The following SFMBT1 variants were observed in gnomAD, a reference collection of about 807,000 sequenced individuals.
SFMBT1 encodes Scm like with four mbt domains 1.
In SFMBT1, 32 loss-of-function variants were observed where a neutral mutation model predicts 108.7. That is an observed-to-expected ratio of 0.29 (90% CI 0.22 to 0.40). SFMBT1 has a LOEUF of 0.40. SFMBT1 is among the 10% of genes least tolerant of loss of function. The probability of loss-of-function intolerance (pLI) is 1.00; values close to 1 mark genes in which losing one functional copy is unlikely to be tolerated. For synonymous variants in SFMBT1, 348 were observed against 369.5 expected (o/e 0.94, Z 0.67); for missense variants, 816 against 1,059.6 (o/e 0.77, Z 3.19).
intron 1 of SFMBT1, among the ~76,000 whole-genome samples, chr3:52,993,132 A>G (rs2106899270): frequency 6.6e-6 from 1 of 150,954 alleles, no homozygotes; most frequent in African/African-American, 2.4e-5. Flanking sequence ...AATAGCACAT[A>G]GAGCAGGTAA....
chr3:52,915,643 G>C (rs1018178863), intron 14 of SFMBT1, among the ~76,000 whole-genome samples: 7 of 152,168 alleles, frequency 4.6e-5, no homozygotes, highest in Non-Finnish European at 1.0e-4. Flanking sequence ...AGAGGACCCT[G>C]GACAAAAGGC....
intron 2 of SFMBT1, among the ~76,000 whole-genome samples, chr3:52,965,687 T>A (rs1332556783): frequency 6.6e-6 from 1 of 151,948 alleles, no homozygotes; most frequent in Admixed American, 6.6e-5. Context: ...ATGAAGACAA[T>A]CTGTCACTAC....
chr3:52,904,435 C>T lies in SFMBT1; in HGVS notation c.*701G>A, dbSNP rs1400495266. The T allele has an allele frequency of 6.6e-6, 1 of 152,220 alleles. No homozygotes were observed. The highest frequency in any genetic ancestry group is 1.5e-5 in the Non-Finnish European group (1 of 68,026). 9.4% of individuals were successfully genotyped at this position (152,220 alleles called of 1,614,324 possible). On this transcript the variant is annotated 3_prime_UTR_variant, in exon 21 of 21. Coordinates refer to ENST00000394752, the MANE Select transcript of SFMBT1 (RefSeq NM_016329.4). ...AAGAAAGCAAACAGTTTCCCCCCCT[C>T]CAAATTCTGTCATAATTTTAGTGTT...
chr3:53,045,363 C>CGGAGCGCGGGGCGCGCGCGGGGA (rs1700193632), intron 1 of SFMBT1: 2 of 140,340 alleles, frequency 1.4e-5, no homozygotes, highest in African/African-American at 2.5e-5. Flanking sequence ...GCTCGGCGGG[C>CGGAGCGCGGGGCGCGCGCGGGGA]GGAGCGCGGG....
chr3:52,943,142 T>G (rs1703240474), intron 4 of SFMBT1, among the ~76,000 whole-genome samples: 1 of 152,226 alleles, frequency 6.6e-6, no homozygotes, highest in African/African-American at 2.4e-5. Context: ...ATGAGCATCA[T>G]AAAAACCTGA....
intron 2 of SFMBT1, among the ~76,000 whole-genome samples, chr3:52,964,521 T>C (rs901705572): frequency 1.3e-5 from 2 of 152,140 alleles, no homozygotes; most frequent in African/African-American, 2.4e-5. Context: ...CTCTAAAAAA[T>C]AGAAAATAAT....
At chr3:52,999,061 C>T (rs961734532) in intron 1 of SFMBT1, among the ~76,000 whole-genome samples, 4 of 150,804 alleles carry the variant, frequency 2.7e-5, no homozygotes, top group South Asian at 2.1e-4. Flanking sequence ...AAGCCGGGGA[C>T]GCCCGAGGAC....
chr3:52,950,269 C>T (rs914032117), intron 3 of SFMBT1, among the ~76,000 whole-genome samples: 5 of 152,134 alleles, frequency 3.3e-5, no homozygotes, highest in South Asian at 2.1e-4. Flanking sequence ...TTTCTTTTAA[C>T]TGTTTTTAGT....
chr3:52,983,344 T>C (rs1257153277), intron 1 of SFMBT1, among the ~76,000 whole-genome samples: 1 of 152,226 alleles, frequency 6.6e-6, no homozygotes, highest in African/African-American at 2.4e-5. Context: ...GTATGTAATA[T>C]ATAACATATA....
At position 52,943,493 on chromosome 3, in the gene SFMBT1, G is replaced by A; in HGVS notation, c.224C>T (p.Thr75Ile). ...ETYWVATVIT[T>I]CEQLLLLRYD... is the part of the protein sequence containing the mutation. Reference sequence around the variant, plus strand: ...GCGGAGAAGGAGCAACTGCTCACAGGTAGTGATAACGGTGGCAACCCAGTA... The same window carrying A: ...GCGGAGAAGGAGCAACTGCTCACAGATAGTGATAACGGTGGCAACCCAGTA... Residue 75 changes from threonine to isoleucine, a missense_variant, in exon 4 of 21, where the codon ACC (threonine) becomes ATC (isoleucine). By Grantham distance (89) the Thr-to-Ile change is moderately conservative. Coordinates refer to ENST00000394752, the MANE Select transcript of SFMBT1 (RefSeq NM_016329.4). 2 of 1,614,178 alleles carry A rather than the reference G, an allele frequency of 1.2e-6. No individual in the cohort carries two copies. The highest frequency in any genetic ancestry group is 1.7e-6 in the Non-Finnish European group (2 of 1,180,014).
At chr3:52,992,080 G>T (rs935427279) in intron 1 of SFMBT1, among the ~76,000 whole-genome samples, 2 of 152,142 alleles carry the variant, frequency 1.3e-5, no homozygotes, top group African/African-American at 4.8e-5. Flanking sequence ...CCGCCACAAA[G>T]CCTGTCCTTA....
chr3:52,913,125 C>T (rs1322315555), intron 15 of SFMBT1, among the ~76,000 whole-genome samples: 6 of 152,170 alleles, frequency 3.9e-5, no homozygotes, highest in African/African-American at 1.4e-4. Context: ...ACAGAAAGCC[C>T]AGCAGATGTG....
At chr3:52,982,451 G>A (rs1281627493) in intron 1 of SFMBT1, among the ~76,000 whole-genome samples, 1 of 152,132 alleles carries the variant, frequency 6.6e-6, no homozygotes, top group Non-Finnish European at 1.5e-5. Flanking sequence ...ATCATGGGCC[G>A]GACGCGGTGG....
At chr3:52,957,810 C>A (rs182910024) in intron 2 of SFMBT1, among the ~76,000 whole-genome samples, 331 of 152,226 alleles carry the variant, frequency 2.2e-3, no homozygotes, top group African/African-American at 7.7e-3. Flanking sequence ...AAAATTAACT[C>A]AAGATGCATT....
intron 9 of SFMBT1, 118 bp downstream of exon 9, chr3:52,928,073 C>T (rs1348651898): frequency 1.5e-5 from 19 of 1,306,910 alleles, no homozygotes; most frequent in East Asian, 4.8e-5. Flanking sequence ...ACCCCAAAAA[C>T]GTTAGGAACA....
intron 1 of SFMBT1, among the ~76,000 whole-genome samples, chr3:52,988,909 T>A (rs1705022465): frequency 6.6e-6 from 1 of 152,244 alleles, no homozygotes; most frequent in Non-Finnish European, 1.5e-5. Context: ...GCCTTCTGTT[T>A]GGTTAGTATT....
chr3:52,989,930 A>C (rs1375144502), intron 1 of SFMBT1, among the ~76,000 whole-genome samples: 1 of 152,252 alleles, frequency 6.6e-6, no homozygotes, highest in Non-Finnish European at 1.5e-5. Context: ...ATTATTTGCA[A>C]ATTAACAACG....
At chr3:52,994,430 T>C (rs1203966895) in intron 1 of SFMBT1, among the ~76,000 whole-genome samples, 2 of 149,300 alleles carry the variant, frequency 1.3e-5, no homozygotes, top group Non-Finnish European at 3.0e-5. Context: ...ACTATTGAAC[T>C]ATCTTTCAAA....
intron 2 of SFMBT1, among the ~76,000 whole-genome samples, chr3:52,961,406 C>T (rs920174321): frequency 1.3e-5 from 2 of 152,160 alleles, no homozygotes; most frequent in East Asian, 3.9e-4. Context: ...AAACTATACA[C>T]TTAAAAATTG....
Sources: allele counts gnomAD v4.1 joint callset (sites outside exome capture counted in the v4.1 genomes callset), GRCh38; gene constraint gnomAD v4.1.1; transcripts MANE v1.5; gene names NCBI Gene and HGNC (gene_info 2026-07-23, HGNC 2026-07-21).